Variants in GPD2 observed in about 807,000 individuals in gnomAD.
The protein encoded by GPD2 is glycerol-3-phosphate dehydrogenase, mitochondrial.
A neutral mutation model predicts 82.4 loss-of-function variants in GPD2; 54 were observed. The ratio of observed to expected loss-of-function variants is 0.66; its 90% CI spans 0.53 to 0.82. GPD2 has a LOEUF of 0.82. Among genes scored for constraint, GPD2 ranks in the 40% least tolerant of loss-of-function variants. The pLI is 0.00. For synonymous variants in GPD2, 288 were observed against 306.1 expected, an observed-to-expected ratio of 0.94 and a Z score of 0.62; for missense variants, 748 against 896.2, an observed-to-expected ratio of 0.83 and a Z score of 2.11.
At chr2:156,508,686 A>G (rs1684873155) in intron 3 of GPD2, among the ~76,000 whole-genome samples, 2 of 152,190 alleles carry the variant, frequency 1.3e-5, no homozygotes, top group South Asian at 2.1e-4. Flanking sequence ...GCTCTTAAAT[A>G]TCATTTGAAA....
At chr2:156,572,333 ATTATT>A (rs1418512260) in intron 13 of GPD2, among the ~76,000 whole-genome samples, 1 of 152,154 alleles carries the variant, frequency 6.6e-6, no homozygotes, top group African/African-American at 2.4e-5. Context: ...CATTTAAAAA[ATTATT>A]TTATTTTTAA....
chr2:156,445,296 A>G (rs1415704849), intron 1 of GPD2, among the ~76,000 whole-genome samples: 1 of 152,212 alleles, frequency 6.6e-6, no homozygotes, highest in East Asian at 1.9e-4. Context: ...GGTATGGCAG[A>G]AACTCCCTTA....
At chr2:156,489,759 CTCTT>C (rs1416574152) in intron 2 of GPD2, among the ~76,000 whole-genome samples, 1 of 94,074 alleles carries the variant, frequency 1.1e-5, no homozygotes, top group African/African-American at 4.3e-5. Flanking sequence ...TCGCTCCCTT[CTCTT>C]CGTCCCTTCC....
In GPD2 at chr2:156,527,062, GA is replaced by G. The variant is rs527432626; in HGVS notation, c.661+13567del. Among the ~76,000 whole-genome samples, 18 of 152,234 alleles carry G rather than the reference GA, an allele frequency of 1.2e-4. No homozygotes were observed. In the East Asian group the frequency reaches 1.3e-3, roughly 11 times the overall value. On this transcript the variant is annotated intron_variant, in intron 6 of 16. Coordinates refer to ENST00000438166, the MANE Select transcript of GPD2 (RefSeq NM_000408.5). ...ATACCTGTTTGGGAAAAGGAAGAAA[GA>G]GAGTAAAAAATTAATAATTAAATCA...
Position 156,451,550 on chromosome 2 carries a change from G to A in GPD2, c.-9+15037G>A, listed in dbSNP as rs1419496663. Among the ~76,000 whole-genome samples the A allele has an allele frequency of 5.5e-5, 7 of 127,146 alleles. 1 individual carries two copies. Among genetic ancestry groups the A allele is most frequent in the Non-Finnish European group, 1.0e-4 (6 of 59,258 alleles). The allele number at this position is 127,146 out of a possible 152,430, so 83.4% of individuals were successfully genotyped here. A position where few individuals can be genotyped will look rare whatever the true frequency, so the allele number is the denominator to read the frequency against. ...CCCCCACCTCCCTCCCAGACGGGGC[G>A]GCTGGCCGGGCGGGGGTCTGACCCC... is the stretch of plus-strand genomic sequence containing the variant. On this transcript the variant is annotated intron_variant, in intron 1 of 16. Coordinates refer to ENST00000438166, the MANE Select transcript of GPD2 (RefSeq NM_000408.5).
At chr2:156,511,794 C>T (rs1056801711) in intron 4 of GPD2, among the ~76,000 whole-genome samples, 2 of 152,158 alleles carry the variant, frequency 1.3e-5, no homozygotes, top group East Asian at 3.8e-4. Context: ...CTGTAAAATA[C>T]TGTGCAACTG....
At chr2:156,454,849 G>GGTGAGCT (rs1404035376) in intron 1 of GPD2, among the ~76,000 whole-genome samples, 2 of 152,150 alleles carry the variant, frequency 1.3e-5, no homozygotes, top group Non-Finnish European at 2.9e-5. Context: ...GTTGCTTAGT[G>GGTGAGCT]GCCAGGGGTG....
At chr2:156,567,468 T>C (rs942136857) in intron 9 of GPD2, among the ~76,000 whole-genome samples, 1 of 152,126 alleles carries the variant, frequency 6.6e-6, no homozygotes, top group African/African-American at 2.4e-5. Flanking sequence ...ATACAGTCAA[T>C]TTTTTATCAG....
chr2:156,579,757 AT>A lies in GPD2; in HGVS notation c.2028del (p.Asn676LysfsTer12), dbSNP rs1260033089. Reference protein sequence around the residue: ...EILNEVDLNKNGQVELNEFLQ... With the variant: ...EILNEVDLNKXGQVELNEFLQ... ...CTAAATGAAGTTGATTTGAATAAAA[AT>A]GGACAGGTTGAACTCAATGAATTTT... On this transcript the variant is annotated frameshift_variant, in exon 16 of 17. Coordinates refer to ENST00000438166, the MANE Select transcript of GPD2 (RefSeq NM_000408.5). LOFTEE classifies it high-confidence loss of function. 1 of 1,565,728 alleles carries A rather than the reference AT, an allele frequency of 6.4e-7. No homozygotes were observed. The highest frequency in any genetic ancestry group is 2.2e-5 in the East Asian group (1 of 44,664).
chr2:156,408,583 A>C, the GPD2 span, among the ~76,000 whole-genome samples: 1 of 151,956 alleles, frequency 6.6e-6, no homozygotes, highest in East Asian at 1.9e-4. Flanking sequence ...ACAAAAAGTA[A>C]AAAAACTAGC....
intron 3 of GPD2, among the ~76,000 whole-genome samples, chr2:156,499,527 C>G (rs1047376971): frequency 6.6e-6 from 1 of 152,118 alleles, no homozygotes; most frequent in Non-Finnish European, 1.5e-5. Flanking sequence ...AAGGCAATCA[C>G]TAAGTGACTT....
intron 2 of GPD2, among the ~76,000 whole-genome samples, chr2:156,490,775 T>C (rs757867315): frequency 3.3e-5 from 5 of 152,196 alleles, no homozygotes; most frequent in Non-Finnish European, 7.3e-5. Flanking sequence ...ATCTTAGTAG[T>C]ACCTAACTCA....
At chr2:156,465,764 A>G (rs948221551) in intron 1 of GPD2, among the ~76,000 whole-genome samples, 3 of 152,202 alleles carry the variant, frequency 2.0e-5, no homozygotes, top group African/African-American at 7.2e-5. Flanking sequence ...TCTTAACCCA[A>G]TAAAGGGTTA....
chr2:156,425,714 G>A, the GPD2 span, among the ~76,000 whole-genome samples: 1 of 152,158 alleles, frequency 6.6e-6, no homozygotes, highest in East Asian at 1.9e-4. Flanking sequence ...CTGTGGATGT[G>A]GCATGCTTTC....
chr2:156,493,706 C>T lies in GPD2; in HGVS notation c.103-2338C>T, dbSNP rs191986709. On this transcript the variant is annotated intron_variant, in intron 2 of 16. Transcript: ENST00000438166. ...TTATTTCTCAAGTATTTCTCGAAAA[C>T]TTACCAAGCAGAAAATGTCAGCAAT... is the stretch of plus-strand genomic sequence containing the variant. Among the ~76,000 whole-genome samples, 355 of 152,132 alleles carry T rather than the reference C, an allele frequency of 2.3e-3. 2 individuals carry two copies. The highest frequency in any genetic ancestry group is 7.8e-3 in the African/African-American group (325 of 41,516).
At chr2:156,478,004 A>G (rs570996201) in intron 2 of GPD2, among the ~76,000 whole-genome samples, 61 of 152,296 alleles carry the variant, frequency 4.0e-4, no homozygotes, top group African/African-American at 1.4e-3. Context: ...TGCTAAATTT[A>G]TATGTGGTTT....
chr2:156,487,977 GA>G (rs1684008505), intron 2 of GPD2, among the ~76,000 whole-genome samples: 1 of 152,142 alleles, frequency 6.6e-6, no homozygotes, highest in Non-Finnish European at 1.5e-5. Flanking sequence ...GCTATTAAAA[GA>G]ACTTCTGTGT....
At chr2:156,562,125 G>A (rs574257729) in intron 9 of GPD2, among the ~76,000 whole-genome samples, 3 of 152,354 alleles carry the variant, frequency 2.0e-5, no homozygotes, top group South Asian at 4.1e-4. Context: ...TGACTTAACA[G>A]GATTGAGAGA....
At chr2:156,571,627 G>T (rs1687643805) in intron 13 of GPD2, among the ~76,000 whole-genome samples, 1 of 152,144 alleles carries the variant, frequency 6.6e-6, no homozygotes, top group South Asian at 2.1e-4. Context: ...TCCTGCTAGT[G>T]TGCCTTTGGT....
Sources: gnomAD v4.1 joint callset for allele counts (sites outside exome capture counted in the v4.1 genomes callset) on GRCh38, gnomAD v4.1.1 for gene constraint, MANE v1.5 for transcripts, NCBI Gene and HGNC (gene_info 2026-07-23, HGNC 2026-07-21) for gene names.